LPP: variants seen among roughly 807,000 people sequenced by gnomAD.
The protein encoded by LPP is LIM domain containing preferred translocation partner in lipoma, also known as lipoma-preferred partner.
In LPP, 38 loss-of-function variants were observed where a neutral mutation model predicts 60.4. The ratio of observed to expected loss-of-function variants is 0.63; its 90% CI spans 0.49 to 0.83. The LOEUF (loss-of-function observed/expected upper bound fraction) is 0.83, where lower values mean the gene tolerates loss of function less well. Ranked by LOEUF, LPP falls within the 40% of genes least tolerant of loss-of-function variation. The pLI is 0.00. For missense variants in LPP, 902 were observed against 783.6 expected, an observed-to-expected ratio of 1.15 and a Z score of -1.80; for synonymous variants, 328 against 290.8, an observed-to-expected ratio of 1.13 and a Z score of -1.30.
chr3:188,458,806 T>TC (rs1798330538), intron 4 of LPP, among the ~76,000 whole-genome samples: 1 of 151,146 alleles, frequency 6.6e-6, no homozygotes, highest in Non-Finnish European at 1.5e-5. Flanking sequence ...TGGCTACTGT[T>TC]TATGGAAAAG....
At chr3:188,675,514 T>C (rs570468336) in intron 7 of LPP, among the ~76,000 whole-genome samples, 94 of 151,984 alleles carry the variant, frequency 6.2e-4, no homozygotes, top group Non-Finnish European at 1.2e-3. Context: ...TGTATGTTTG[T>C]ATATGAAGGA....
chr3:188,390,962 C>T lies in LPP; in HGVS notation c.-9-15150C>T, dbSNP rs904369591. On this transcript the variant is annotated intron_variant, in intron 3 of 11. Coordinates refer to ENST00000617246, the MANE Select transcript of LPP (RefSeq NM_001375462.1). ...AGTTGTAGGCTGCCACAGAATACTT[C>T]GGGGTCACAGATTCCTATTCCCTTT... is the stretch of plus-strand genomic sequence containing the variant. Among the ~76,000 whole-genome samples the T allele has an allele frequency of 2.0e-5, 3 of 152,114 alleles. 1 individual carries two copies. The highest frequency in any genetic ancestry group is 4.1e-4 in the South Asian group (2 of 4,828).
At chr3:188,205,455 T>C (rs1193993273) in intron 1 of LPP, among the ~76,000 whole-genome samples, 1 of 151,970 alleles carries the variant, frequency 6.6e-6, no homozygotes, top group Non-Finnish European at 1.5e-5. Flanking sequence ...CTAATTTTTG[T>C]ATTTTTAGTA....
At chr3:188,746,674 G>A (rs1726325687) in intron 8 of LPP, 11 of 394,522 alleles carry the variant, frequency 2.8e-5, no homozygotes, top group South Asian at 2.2e-4. Flanking sequence ...ATGGTTTCTG[G>A]GAGCTCCCTA....
At chr3:188,173,299 G>A (rs747230824) in intron 1 of LPP, among the ~76,000 whole-genome samples, 5 of 152,152 alleles carry the variant, frequency 3.3e-5, no homozygotes, top group Admixed American at 6.5e-5. Context: ...TCAGGAGTTC[G>A]AGGCCAGCGT....
chr3:188,866,947 G>T (rs1357384120), intron 10 of LPP, among the ~76,000 whole-genome samples: 1 of 152,054 alleles, frequency 6.6e-6, no homozygotes, highest in Non-Finnish European at 1.5e-5. Context: ...TCAACATATT[G>T]ATGCCATTCC....
chr3:188,575,924 T>A (rs1309886591), intron 6 of LPP, among the ~76,000 whole-genome samples: 1 of 152,032 alleles, frequency 6.6e-6, no homozygotes, highest in Admixed American at 6.6e-5. Context: ...AATGTGATGA[T>A]CTTTTAGGAC....
chr3:188,406,968 G>A (rs1218068798), intron 4 of LPP, among the ~76,000 whole-genome samples: 1 of 151,902 alleles, frequency 6.6e-6, no homozygotes, highest in African/African-American at 2.4e-5. Flanking sequence ...ACTCACACAC[G>A]AAGCCTCAGA....
intron 2 of LPP, among the ~76,000 whole-genome samples, chr3:188,318,344 G>A (rs1755718602): frequency 6.6e-6 from 1 of 151,130 alleles, no homozygotes; most frequent in African/African-American, 2.4e-5. Flanking sequence ...TGGGCTCCAT[G>A]ACGTGGTTTC....
At chr3:188,651,579 A>G (rs1852094313) in intron 7 of LPP, among the ~76,000 whole-genome samples, 1 of 152,220 alleles carries the variant, frequency 6.6e-6, no homozygotes, top group Non-Finnish European at 1.5e-5. Context: ...AAGAAGTTTC[A>G]ATGGACTTAT....
chr3:188,687,775 C>CTTTTTTTTTTTTTTTTTTTTTTTTTTTTT lies in LPP; in HGVS notation c.1114-20475_1114-20474insTTTTTTTTTTTTTTTTTTTTTTTTTTTTT, dbSNP rs61574227. 1.6e-5 allele frequency among the ~76,000 whole-genome samples: 2 copies of CTTTTTTTTTTTTTTTTTTTTTTTTTTTTT among 127,124 alleles called. 1 individual carries two copies. 83.4% of individuals were successfully genotyped at this position (127,124 alleles called of 152,430 possible). A position where few individuals can be genotyped will look rare whatever the true frequency, so the allele number is the denominator to read the frequency against. Reference sequence around the variant, plus strand: ...CCTGTCTAACCAGCTGTCTTATACTCTTTTTTTTTTTTTTTTTGAGATGAA... The same window carrying CTTTTTTTTTTTTTTTTTTTTTTTTTTTTT: ...CCTGTCTAACCAGCTGTCTTATACTCTTTTTTTTTTTTTTTTTTTTTTTTTTTTTTTTTTTTTTTTTTTTTTGAGATGAA... On this transcript the variant is annotated intron_variant, in intron 7 of 11. Coordinates refer to ENST00000617246, the MANE Select transcript of LPP (RefSeq NM_001375462.1).
intron 4 of LPP, among the ~76,000 whole-genome samples, chr3:188,433,610 G>GAA (rs1289400681): frequency 6.9e-6 from 1 of 144,228 alleles, no homozygotes; most frequent in Non-Finnish European, 1.5e-5. Flanking sequence ...GAGAGAGAGA[G>GAA]AGAGAGAGAG....
rs557631010 is a variant in LPP, at chr3:188,256,694, T to C, written c.-67+31167T>C. On this transcript the variant is annotated intron_variant, in intron 2 of 11. Coordinates refer to ENST00000617246, the MANE Select transcript of LPP (RefSeq NM_001375462.1). Reference sequence around the variant, plus strand: ...ATAAATGATTTTTAACACAGAGAAATTTCATGTGTATTCTTATATCACAAA... The same window carrying C: ...ATAAATGATTTTTAACACAGAGAAACTTCATGTGTATTCTTATATCACAAA... 7.9e-5 allele frequency among the ~76,000 whole-genome samples: 12 copies of C among 152,278 alleles called. No individual in the cohort carries two copies. The East Asian group carries it at 2.3e-3, about 29-fold the overall frequency.
intron 6 of LPP, among the ~76,000 whole-genome samples, chr3:188,540,558 T>TAGA (rs765081507): frequency 6.6e-6 from 1 of 152,208 alleles, no homozygotes; most frequent in Non-Finnish European, 1.5e-5. Context: ...CTCCCCTGAC[T>TAGA]CTAAATATGT....
At chr3:188,650,420 A>T (rs1851858797) in intron 7 of LPP, among the ~76,000 whole-genome samples, 1 of 152,128 alleles carries the variant, frequency 6.6e-6, no homozygotes, top group Admixed American at 6.5e-5. Flanking sequence ...TAAAGCGGGG[A>T]CATAACATCT....
chr3:188,604,747 G>A (rs1406788556), intron 6 of LPP, among the ~76,000 whole-genome samples: 1 of 152,118 alleles, frequency 6.6e-6, no homozygotes, highest in Non-Finnish European at 1.5e-5. Flanking sequence ...TATGGGCTAT[G>A]ATATGATGAA....
At chr3:188,433,732 G>A (rs1791601946) in intron 4 of LPP, among the ~76,000 whole-genome samples, 1 of 147,206 alleles carries the variant, frequency 6.8e-6, no homozygotes, top group African/African-American at 2.5e-5. Context: ...AGAGAAAGAG[G>A]AAGGTATGGA....
intron 7 of LPP, among the ~76,000 whole-genome samples, chr3:188,619,273 C>T (rs1845398381): frequency 1.3e-5 from 2 of 152,224 alleles, no homozygotes; most frequent in African/African-American, 4.8e-5. Context: ...GATCCACTCA[C>T]CTTGGCCTCC....
In LPP at chr3:188,359,146, C is replaced by T. The variant is rs577197279; in HGVS notation, c.-10+17427C>T. Among the ~76,000 whole-genome samples the T allele has an allele frequency of 3.0e-4, 45 of 152,342 alleles. No homozygotes were observed. The South Asian group carries it at 8.3e-3, about 28-fold the overall frequency. On this transcript the variant is annotated intron_variant, in intron 3 of 11. Transcript: ENST00000617246. Reference sequence around the variant, plus strand: ...TGTAAACTTTCCAACAAGTTGTGTGCTTCTGCTGAACACAGGTCATCTCAG... The same window carrying T: ...TGTAAACTTTCCAACAAGTTGTGTGTTTCTGCTGAACACAGGTCATCTCAG...
Sources: allele counts gnomAD v4.1 joint callset (sites outside exome capture counted in the v4.1 genomes callset), GRCh38; gene constraint gnomAD v4.1.1; transcripts MANE v1.5; gene names NCBI Gene and HGNC (gene_info 2026-07-23, HGNC 2026-07-21).